Variants in TEX11 observed in about 807,000 individuals in gnomAD.
The protein encoded by TEX11 is testis expressed 11, also known as testis-expressed protein 11.
Under a neutral mutation model 84.4 loss-of-function variants are expected in TEX11, and 7 were observed. The observed-to-expected ratio is 0.08, with a 90% CI of 0.05 to 0.16. The LOEUF is 0.16. Among genes scored for constraint, TEX11 ranks in the 10% least tolerant of loss-of-function variants. The pLI is 1.00. For missense variants in TEX11, 551 were observed against 660.5 expected (o/e 0.83, Z 1.82); for synonymous variants, 264 against 222.8 (o/e 1.18, Z -1.64).
intron 8 of TEX11, among the ~76,000 whole-genome samples, chrX:70,833,021 G>A (rs1410991802): frequency 9.0e-6 from 1 of 111,731 alleles, no homozygotes; most frequent in Non-Finnish European, 1.9e-5. Context: ...TGTAATCCCA[G>A]TACTTTGGGA....
chrX:70,840,869 A>G (rs1164847503), intron 7 of TEX11, among the ~76,000 whole-genome samples: 2 of 111,518 alleles, frequency 1.8e-5, no homozygotes, highest in Non-Finnish European at 3.8e-5. Flanking sequence ...AACAAAGATC[A>G]AAAGAGACAA....
At chrX:70,852,918 T>C in intron 7 of TEX11, 116 bp downstream of exon 7, 1 of 688,727 alleles carries the variant, frequency 1.5e-6, no homozygotes, top group Non-Finnish European at 2.1e-6. Flanking sequence ...GTCAAATTAA[T>C]ATCCTATAAA....
At chrX:70,569,331 C>T (rs1246721998) in intron 25 of TEX11, among the ~76,000 whole-genome samples, 1 of 111,575 alleles carries the variant, frequency 9.0e-6, no homozygotes, top group Non-Finnish European at 1.9e-5. Context: ...AAGTTTTCAA[C>T]TTCTTTGCCT....
chrX:70,711,034 T>C (rs1160846077), intron 13 of TEX11, among the ~76,000 whole-genome samples: 4 of 107,704 alleles, frequency 3.7e-5, no homozygotes, highest in African/African-American at 1.0e-4. Flanking sequence ...TGAGAACATG[T>C]GGTGTTTGGT....
intron 4 of TEX11, among the ~76,000 whole-genome samples, chrX:70,861,242 T>C (rs762321935): frequency 9.5e-6 from 1 of 105,093 alleles, no homozygotes; most frequent in South Asian, 4.5e-4. Flanking sequence ...TTTGTATTTT[T>C]AGTAGAGACG....
intron 13 of TEX11, among the ~76,000 whole-genome samples, chrX:70,701,414 AGC>A (rs2090324987): frequency 1.8e-5 from 2 of 112,175 alleles, no homozygotes; most frequent in Non-Finnish European, 3.8e-5. Context: ...CCTGGATGAT[AGC>A]ACATCTGTTA....
chrX:70,550,083 A>G (rs1453760717), intron 28 of TEX11, among the ~76,000 whole-genome samples: 2 of 112,634 alleles, frequency 1.8e-5, no homozygotes, highest in Non-Finnish European at 3.8e-5. Flanking sequence ...CCAGAAATAA[A>G]TCCATACATC....
At chrX:70,598,482 T>C (rs1045672661) in intron 24 of TEX11, among the ~76,000 whole-genome samples, 1 of 111,950 alleles carries the variant, frequency 8.9e-6, no homozygotes. Context: ...ATAGAGTTAC[T>C]GTATGACCCA....
chrX:70,897,655 G>GGAAA (rs2091777589), intron 2 of TEX11: 1 of 82,661 alleles, frequency 1.2e-5, no homozygotes, highest in Non-Finnish European at 2.2e-5. Context: ...AAGGAAGGAA[G>GGAAA]GAAGGAAGGA....
At chrX:70,896,059 G>GA (rs1315690577) in intron 2 of TEX11, among the ~76,000 whole-genome samples, 2 of 111,965 alleles carry the variant, frequency 1.8e-5, no homozygotes, top group Admixed American at 1.9e-4. Flanking sequence ...CACAGCCAAA[G>GA]AAACTACCAT....
intron 25 of TEX11, among the ~76,000 whole-genome samples, chrX:70,582,994 C>T (rs1000420901): frequency 9.0e-6 from 1 of 110,504 alleles, no homozygotes; most frequent in African/African-American, 3.3e-5. Flanking sequence ...GATCCACCCA[C>T]CTCGGCCTTC....
At position 70,682,785 on chromosome X, in the gene TEX11, G is replaced by C. The variant is rs773463882; in HGVS notation, c.1045C>G (p.Arg349Gly). ...CCAATATTTTCCGATGACTTAAAAC[G>C]TTCATGAATAATCGTCAGGAAATGA... is the stretch of plus-strand genomic sequence containing the variant. Reference protein sequence around the residue: ...GFHFLTIIHERFKSSENIGKV... With the variant: ...GFHFLTIIHEGFKSSENIGKV... Residue 349 changes from arginine to glycine, a missense_variant, in exon 14 of 30, where the codon CGT becomes GGT. Physicochemically the swap from Arg to Gly is moderately radical, Grantham distance 125. Transcript: ENST00000374333. The C allele has an allele frequency of 9.9e-6, 12 of 1,207,606 alleles. No individual in the cohort carries two copies. Among genetic ancestry groups the C allele is most frequent in the Non-Finnish European group, 1.3e-5 (12 of 894,032 alleles).
At chrX:70,792,315 AAT>A (rs1556087562) in intron 9 of TEX11, among the ~76,000 whole-genome samples, 3 of 14,910 alleles carry the variant, frequency 2.0e-4, no homozygotes, top group African/African-American at 2.9e-4. Context: ...AAAAAAAAAA[AAT>A]ATATATATAT....
chrX:70,754,827 C>T (rs1386650269), intron 9 of TEX11, among the ~76,000 whole-genome samples: 5 of 111,480 alleles, frequency 4.5e-5, no homozygotes, highest in Non-Finnish European at 9.4e-5. Flanking sequence ...AAAACAAGAG[C>T]CTCTGCTTGG....
chrX:70,814,177 C>T (rs1442077410), intron 8 of TEX11, among the ~76,000 whole-genome samples: 1 of 111,814 alleles, frequency 8.9e-6, no homozygotes, highest in African/African-American at 3.2e-5. Flanking sequence ...AAGTTGAAAG[C>T]ATCACACCAC....
At chrX:70,792,501 A>C (rs2091130682) in intron 9 of TEX11, among the ~76,000 whole-genome samples, 1 of 102,671 alleles carries the variant, frequency 9.7e-6, no homozygotes, top group African/African-American at 3.5e-5. Flanking sequence ...AAACAAAAAC[A>C]AACTAACCTC....
intron 25 of TEX11, among the ~76,000 whole-genome samples, chrX:70,571,272 G>A (rs2088594221): frequency 8.9e-6 from 1 of 112,015 alleles, no homozygotes; most frequent in African/African-American, 3.2e-5. Context: ...GCCCGCCTTG[G>A]CCTCCCAAAG....
In TEX11 at chrX:70,853,240, T is replaced by C; in HGVS notation, c.405+8A>G. 8.3e-7 allele frequency: 1 copy of C among 1,209,336 alleles called. No homozygotes were observed. The highest frequency in any genetic ancestry group is 3.0e-5 in the East Asian group (1 of 33,855). The stretch of plus-strand genomic sequence containing the variant: ...AATTGCCTCAGCTAAAAGTCAATGG[T>C]AACTTACGGCCACAGCAGCTTGAAA... On this transcript the variant is annotated splice_region_variant and intron_variant, in intron 6 of 29. Coordinates refer to ENST00000374333, the MANE Select transcript of TEX11 (RefSeq NM_031276.3).
intron 28 of TEX11, among the ~76,000 whole-genome samples, chrX:70,531,231 C>A (rs1179658039): frequency 9.0e-6 from 1 of 111,537 alleles, no homozygotes; most frequent in Non-Finnish European, 1.9e-5. Flanking sequence ...ATAAGAGGCA[C>A]AACAGATGTT....
Sources: allele counts gnomAD v4.1 joint callset (sites outside exome capture counted in the v4.1 genomes callset), GRCh38; gene constraint gnomAD v4.1.1; transcripts MANE v1.5; gene names NCBI Gene and HGNC (gene_info 2026-07-23, HGNC 2026-07-21).